CYP27A1: variants seen among roughly 807,000 people sequenced by gnomAD.
CYP27A1 encodes the protein sterol 26-hydroxylase, mitochondrial.
In CYP27A1, 46 loss-of-function variants were observed where a neutral mutation model predicts 58.2. The ratio of observed to expected loss-of-function variants is 0.79; its 90% CI spans 0.62 to 1.01. The LOEUF is 1.01. Among genes scored for constraint, CYP27A1 ranks in the 50% least tolerant of loss-of-function variants. The probability of loss-of-function intolerance (pLI) is 0.00; values close to 1 mark genes in which losing one functional copy is unlikely to be tolerated. For missense variants in CYP27A1, 704 were observed against 687.0 expected (o/e 1.02, Z -0.28); for synonymous variants, 274 against 285.1 (o/e 0.96, Z 0.39).
intron 1 of CYP27A1, among the ~76,000 whole-genome samples, chr2:218,792,961 G>A (rs1943510401): frequency 6.6e-6 from 1 of 152,072 alleles, no homozygotes; most frequent in African/African-American, 2.4e-5. Context: ...CTGATTTTTG[G>A]GAAGCCTGAC....
intron 1 of CYP27A1, among the ~76,000 whole-genome samples, chr2:218,792,765 A>T (rs1022187780): frequency 6.6e-6 from 1 of 152,224 alleles, no homozygotes; most frequent in Non-Finnish European, 1.5e-5. Context: ...ATTTTGGAAC[A>T]TATATTAATA....
At chr2:218,784,575 G>A (rs1943425235) in intron 1 of CYP27A1, among the ~76,000 whole-genome samples, 1 of 152,204 alleles carries the variant, frequency 6.6e-6, no homozygotes, top group African/African-American at 2.4e-5. Flanking sequence ...GAAAGGAAAT[G>A]AAAATGAGAC....
intron 1 of CYP27A1, among the ~76,000 whole-genome samples, chr2:218,799,468 C>A (rs978101437): frequency 2.0e-5 from 3 of 152,088 alleles, no homozygotes; most frequent in African/African-American, 7.2e-5. Flanking sequence ...CCTCGGGATG[C>A]GGCCATACCA....
chr2:218,815,045 T>C lies in CYP27A1; in HGVS notation c.*15T>C, dbSNP rs774288420. 1 of 1,614,016 alleles carries C rather than the reference T, an allele frequency of 6.2e-7. No homozygotes were observed. The highest frequency in any genetic ancestry group is 1.3e-5 in the African/African-American group (1 of 74,942). On this transcript the variant is annotated 3_prime_UTR_variant, in exon 9 of 9. Coordinates refer to ENST00000258415, the MANE Select transcript of CYP27A1 (RefSeq NM_000784.4). ...GACAGTGCTGAGCTGAGTCTCCGCCTTGCTGGGGCTTGTCCTAGAGGCTCC... is the reference window on the plus strand; with the variant it reads ...GACAGTGCTGAGCTGAGTCTCCGCCCTGCTGGGGCTTGTCCTAGAGGCTCC...
Position 218,812,953 on chromosome 2 carries a change from G to A in CYP27A1, c.874G>A (p.Asp292Asn). 6.2e-7 allele frequency: 1 copy of A among 1,614,254 alleles called. No individual in the cohort carries two copies. ...GAAGCTGATTGATGAGAAGCTCGAA[G>A]ATATGGAGGCCCAACTGCAGGCAGC... ...GKKLIDEKLE[D>N]MEAQLQAAGP... The change falls in exon 5 of 9, where the codon GAT becomes AAT. Residue 292 changes from aspartate to asparagine, a missense_variant. Transcript: ENST00000258415.
In CYP27A1 at chr2:218,782,502, G is replaced by T; in HGVS notation, c.255+65G>T. 6.2e-7 allele frequency: 1 copy of T among 1,603,788 alleles called. No homozygotes were observed. On this transcript the variant is annotated intron_variant, in intron 1 of 8. Transcript: ENST00000258415. The surrounding 1 kb of genome is among the most constrained non-coding windows in gnomAD (Gnocchi z 4.1). ...GCACCGGAACAGAGAGGCTAGAGGT[G>T]AGAAGACGTTGGACAGAAAGTGAAG...
chr2:218,799,276 A>G (rs1371625100), intron 1 of CYP27A1, among the ~76,000 whole-genome samples: 1 of 152,110 alleles, frequency 6.6e-6, no homozygotes, highest in Non-Finnish European at 1.5e-5. Flanking sequence ...AAGCCAGCAG[A>G]CTTCACTTAT....
At chr2:218,798,071 C>T (rs570953817) in intron 1 of CYP27A1, among the ~76,000 whole-genome samples, 5 of 151,642 alleles carry the variant, frequency 3.3e-5, no homozygotes, top group Non-Finnish European at 7.4e-5. Context: ...GGTGTGATCT[C>T]GGCTCACTGT....
chr2:218,814,257 A>C, intron 6 of CYP27A1, 70 bp downstream of exon 6: 7 of 1,610,158 alleles, frequency 4.3e-6, no homozygotes, highest in Non-Finnish European at 5.9e-6. Flanking sequence ...AGGAAATCTG[A>C]AGTGAAGACA....
chr2:218,809,829 G>T, intron 2 of CYP27A1, 62 bp downstream of exon 2: 2 of 1,499,164 alleles, frequency 1.3e-6, no homozygotes, highest in East Asian at 2.3e-5. Flanking sequence ...AAGACAGTGG[G>T]CACAGGGCAG....
rs765426068 is a variant in CYP27A1 at position 218,814,464 on chromosome 2, T to TG, written c.1263+10dup. The TG allele has an allele frequency of 6.2e-7, 1 of 1,614,118 alleles. No homozygotes were observed. Among genetic ancestry groups the TG allele is most frequent in the East Asian group, 2.2e-5 (1 of 44,882 alleles). ...GCTTCCTCTTCCCCAAGAACGTGAG[T>TG]GGGGCTAGAGAGCCCGATTGCCCAG... On this transcript the variant is annotated splice_region_variant and intron_variant, in intron 7 of 8. Transcript: ENST00000258415.
intron 1 of CYP27A1, among the ~76,000 whole-genome samples, chr2:218,795,733 A>AT (rs1024248511): frequency 1.3e-5 from 2 of 152,214 alleles, no homozygotes; most frequent in African/African-American, 4.8e-5. Context: ...TTAATTACAA[A>AT]TGTATAAGTT....
At chr2:218,798,640 T>A (rs1303139045) in intron 1 of CYP27A1, among the ~76,000 whole-genome samples, 7 of 152,148 alleles carry the variant, frequency 4.6e-5, no homozygotes, top group African/African-American at 1.7e-4. Context: ...CCCAGCACTT[T>A]GGGAGGCTGA....
At chr2:218,797,616 T>A (rs1295554004) in intron 1 of CYP27A1, among the ~76,000 whole-genome samples, 1 of 152,230 alleles carries the variant, frequency 6.6e-6, no homozygotes, top group Non-Finnish European at 1.5e-5. Context: ...ATTTTGAAAC[T>A]GAAGTTTGAT....
intron 1 of CYP27A1, among the ~76,000 whole-genome samples, chr2:218,809,261 G>C (rs1024503127): frequency 2.6e-5 from 4 of 151,844 alleles, no homozygotes; most frequent in African/African-American, 9.7e-5. Context: ...ACACCTCAAC[G>C]TACCTCAGTT....
chr2:218,797,568 C>T (rs1943559575), intron 1 of CYP27A1, among the ~76,000 whole-genome samples: 1 of 152,208 alleles, frequency 6.6e-6, no homozygotes, highest in African/African-American at 2.4e-5. Context: ...TCCAGAGACC[C>T]TCTGAACCAT....
rs1943401601 is a variant in CYP27A1 at position 218,782,427 on chromosome 2, A to G, written c.245A>G (p.His82Arg). 6.2e-7 allele frequency: 1 copy of G among 1,614,088 alleles called. No individual in the cohort carries two copies. Among genetic ancestry groups the G allele is most frequent in the African/African-American group, 1.3e-5 (1 of 74,950 alleles). ...GTTCAAGGCTATGCCCTGCAACTGC[A>G]CCAGTTACAGGTAACCCGCGGGGGC... is the stretch of plus-strand genomic sequence containing the variant. The part of the protein sequence containing the change: ...LFVQGYALQL[H>R]QLQVLYKAKY... The change falls in exon 1 of 9, where the codon CAC becomes CGC. Residue 82 changes from histidine (H) to arginine (R), a missense_variant. Physicochemically the swap from His to Arg is conservative, Grantham distance 29. Transcript: ENST00000258415. This position sits in a 1 kb window ranked among gnomAD's most constrained non-coding sequence, Gnocchi z 4.1.
At chr2:218,814,208 G>C (rs1296219100) in intron 6 of CYP27A1, 21 bp downstream of exon 6, 2 of 1,613,654 alleles carry the variant, frequency 1.2e-6, no homozygotes, top group Admixed American at 1.7e-5. Context: ...ATGCTGTTCT[G>C]GGGGGCACAG....
At chr2:218,802,378 G>T (rs1448659665) in intron 1 of CYP27A1, among the ~76,000 whole-genome samples, 2 of 151,118 alleles carry the variant, frequency 1.3e-5, no homozygotes, top group African/African-American at 4.9e-5. Context: ...AGAACTACTT[G>T]CGTTGTTACT....
Sources: allele counts gnomAD v4.1 joint callset (sites outside exome capture counted in the v4.1 genomes callset), GRCh38; gene constraint gnomAD v4.1.1; non-coding constraint Gnocchi (gnomAD v3.1); transcripts MANE v1.5; gene names NCBI Gene and HGNC (gene_info 2026-07-23, HGNC 2026-07-21).